The following GSK3B variants were observed in gnomAD, a reference collection of about 807,000 sequenced individuals.
GSK3B encodes the protein glycogen synthase kinase-3 beta.
A neutral mutation model predicts 56.4 loss-of-function variants in GSK3B; 15 were observed. The observed-to-expected ratio is 0.27, with a 90% CI of 0.18 to 0.41. GSK3B has a LOEUF of 0.41. Ranked by LOEUF, GSK3B falls within the 10% of genes least tolerant of loss-of-function variation. The probability of loss-of-function intolerance (pLI) is 1.00; values close to 1 mark genes in which losing one functional copy is unlikely to be tolerated. For missense variants in GSK3B, 300 were observed against 513.4 expected (o/e 0.58, Z 4.02); for synonymous variants, 181 against 188.9 (o/e 0.96, Z 0.34).
chr3:119,903,210 A>T (rs555049295), intron 7 of GSK3B, among the ~76,000 whole-genome samples: 2 of 152,180 alleles, frequency 1.3e-5, no homozygotes, highest in Non-Finnish European at 2.9e-5. Context: ...TGGTAATTCC[A>T]TCTATCCTGG....
intron 2 of GSK3B, among the ~76,000 whole-genome samples, chr3:119,980,916 G>A (rs1479831387): frequency 6.6e-6 from 1 of 152,198 alleles, no homozygotes; most frequent in Non-Finnish European, 1.5e-5. Context: ...TTACAAGTCA[G>A]AAAGTTGAGG....
chr3:120,044,588 T>C (rs778718882), intron 1 of GSK3B, among the ~76,000 whole-genome samples: 1 of 152,196 alleles, frequency 6.6e-6, no homozygotes, highest in Non-Finnish European at 1.5e-5. Flanking sequence ...GAGTACCTGA[T>C]AAATTCAAAG....
chr3:119,924,182 TCAA>T (rs1171161500), intron 3 of GSK3B, among the ~76,000 whole-genome samples: 1 of 152,118 alleles, frequency 6.6e-6, no homozygotes, highest in Non-Finnish European at 1.5e-5. Context: ...AGACACCAAC[TCAA>T]CAACACCAGT....
At chr3:119,957,412 G>A (rs1257707165) in intron 2 of GSK3B, among the ~76,000 whole-genome samples, 1 of 152,128 alleles carries the variant, frequency 6.6e-6, no homozygotes, top group Non-Finnish European at 1.5e-5. Context: ...ATGAACTAAG[G>A]GAATAACGGA....
chr3:119,914,219 G>T (rs2056761028), intron 5 of GSK3B, among the ~76,000 whole-genome samples: 1 of 151,902 alleles, frequency 6.6e-6, no homozygotes, highest in African/African-American at 2.4e-5. Flanking sequence ...AAAAAAATAA[G>T]AAGAAAGTAA....
chr3:119,924,870 T>G (rs988513812), intron 3 of GSK3B, among the ~76,000 whole-genome samples: 1 of 152,192 alleles, frequency 6.6e-6, no homozygotes, highest in African/African-American at 2.4e-5. Context: ...AGAGACTAGA[T>G]AGCCCACAAA....
At chr3:120,063,230 T>C (rs1269686545) in intron 1 of GSK3B, among the ~76,000 whole-genome samples, 1 of 152,226 alleles carries the variant, frequency 6.6e-6, no homozygotes, top group East Asian at 1.9e-4. Flanking sequence ...AGTGGGCAGA[T>C]GGGAATCAGA....
chr3:119,853,666 T>C (rs958909696), intron 9 of GSK3B, among the ~76,000 whole-genome samples: 1 of 152,206 alleles, frequency 6.6e-6, no homozygotes, highest in Non-Finnish European at 1.5e-5. Context: ...CCCAGGTATT[T>C]TATTCTCTTT....
chr3:119,999,182 A>C (rs2057651883), intron 2 of GSK3B, among the ~76,000 whole-genome samples: 1 of 152,238 alleles, frequency 6.6e-6, no homozygotes, highest in Non-Finnish European at 1.5e-5. Context: ...CTTGAGAAGG[A>C]GAAAGAGGGT....
chr3:119,875,807 C>T (rs2056305494), intron 8 of GSK3B, among the ~76,000 whole-genome samples: 1 of 151,860 alleles, frequency 6.6e-6, no homozygotes, highest in African/African-American at 2.4e-5. Flanking sequence ...TTCCCTGGTA[C>T]ATTAGCAACT....
At chr3:119,954,989 G>C (rs2057197645) in intron 2 of GSK3B, among the ~76,000 whole-genome samples, 1 of 152,026 alleles carries the variant, frequency 6.6e-6, no homozygotes, top group East Asian at 1.9e-4. Flanking sequence ...ATCAAAGTTT[G>C]TTCTGTTGGG....
At chr3:119,833,082 C>T (rs1226559768) in intron 10 of GSK3B, 5 of 568,916 alleles carry the variant, frequency 8.8e-6, no homozygotes, top group African/African-American at 4.1e-5. Context: ...AAGTCATAAA[C>T]GCAGAATTTC....
chr3:120,017,623 T>C (rs1358576974), intron 1 of GSK3B, among the ~76,000 whole-genome samples: 3 of 152,072 alleles, frequency 2.0e-5, no homozygotes, highest in Non-Finnish European at 2.9e-5. Context: ...AAATCAAAAA[T>C]TGCTGTTGAA....
intron 5 of GSK3B, among the ~76,000 whole-genome samples, chr3:119,914,762 C>G (rs1026919198): frequency 2.0e-5 from 3 of 152,018 alleles, no homozygotes; most frequent in Non-Finnish European, 4.4e-5. Context: ...AACAGATTTA[C>G]TTATTTTTTA....
Position 119,824,003 on chromosome 3 carries a change from A to T in GSK3B, c.*2785T>A. ...GCTAGAGTTATTGTTACAATAATACAGGCCGGTACCTACTGTACAGAGTTA... is the reference window on the plus strand; with the variant it reads ...GCTAGAGTTATTGTTACAATAATACTGGCCGGTACCTACTGTACAGAGTTA... On this transcript the variant is annotated 3_prime_UTR_variant, in exon 11 of 11. Coordinates refer to ENST00000264235, the MANE Select transcript of GSK3B (RefSeq NM_001146156.2). 1 of 201,670 alleles carries T rather than the reference A, an allele frequency of 5.0e-6. No homozygotes were observed. Among genetic ancestry groups the T allele is most frequent in the East Asian group, 7.6e-5 (1 of 13,102 alleles). 12.5% of individuals were successfully genotyped at this position (201,670 alleles called of 1,614,324 possible).
intron 7 of GSK3B, among the ~76,000 whole-genome samples, chr3:119,876,786 C>T (rs1236264681): frequency 1.3e-5 from 2 of 152,038 alleles, no homozygotes; most frequent in Non-Finnish European, 2.9e-5. Context: ...AAAGTGGAAG[C>T]AGGATTGTTA....
chr3:119,927,430 C>G (rs139317510), intron 3 of GSK3B, among the ~76,000 whole-genome samples: 231 of 151,764 alleles, frequency 1.5e-3, no homozygotes, highest in Middle Eastern at 3.4e-3. Flanking sequence ...TTTAAAGCAG[C>G]GGGAAGGCAG....
intron 3 of GSK3B, among the ~76,000 whole-genome samples, chr3:119,944,016 A>T (rs2057075127): frequency 6.6e-6 from 1 of 152,208 alleles, no homozygotes; most frequent in African/African-American, 2.4e-5. Context: ...TAGAAAAAAA[A>T]GAGGGAAAGA....
At chr3:120,029,150 G>T in intron 1 of GSK3B, 2 of 696,960 alleles carry the variant, frequency 2.9e-6, no homozygotes, top group Non-Finnish European at 5.2e-6. Flanking sequence ...AAAGCTGACG[G>T]TTGGGATAGC....
Sources: gnomAD v4.1 joint callset for allele counts (sites outside exome capture counted in the v4.1 genomes callset) on GRCh38, gnomAD v4.1.1 for gene constraint, MANE v1.5 for transcripts, NCBI Gene and HGNC (gene_info 2026-07-23, HGNC 2026-07-21) for gene names.